RAB6A: variants seen among roughly 807,000 people sequenced by gnomAD.
RAB6A encodes the protein RAB6A, member RAS oncogene family.
A neutral mutation model predicts 32.3 loss-of-function variants in RAB6A; 8 were observed. The ratio of observed to expected loss-of-function variants is 0.25; its 90% CI spans 0.15 to 0.45. The LOEUF (loss-of-function observed/expected upper bound fraction) is 0.45. RAB6A is among the 20% of genes least tolerant of loss of function. The pLI is 1.00. For missense variants in RAB6A, 104 were observed against 249.4 expected (o/e 0.42, Z 3.93); for synonymous variants, 73 against 82.1 (o/e 0.89, Z 0.60).
Position 73,758,333 on chromosome 11 carries a change from G to GTTAATAATAC in RAB6A, c.70+2232_70+2233insGTATTATTAA, listed in dbSNP as rs1163503646. ...AAATCTAAATAAACTATGGACTTAA[G>GTTAATAATAC]TTAATAATAACATATCAATATTAGT... is the stretch of plus-strand genomic sequence containing the variant. On this transcript the variant is annotated intron_variant, in intron 1 of 7. Transcript: ENST00000336083. 8.5e-5 allele frequency among the ~76,000 whole-genome samples: 13 copies of GTTAATAATAC among 152,126 alleles called. 1 individual carries two copies. The highest frequency in any genetic ancestry group is 6.5e-4 in the Admixed American group (10 of 15,272).
chr11:73,700,917 T>C (rs572075797), intron 6 of RAB6A, among the ~76,000 whole-genome samples: 5 of 152,164 alleles, frequency 3.3e-5, no homozygotes, highest in African/African-American at 4.8e-5. Context: ...AGTAGTATTA[T>C]TGGGTAAAAT....
At chr11:73,720,971 A>G in intron 2 of RAB6A, 72 bp from the exon 3 acceptor site, 1 of 1,052,042 alleles carries the variant, frequency 9.5e-7, no homozygotes, top group Admixed American at 1.9e-5. Flanking sequence ...TTCAAATGGG[A>G]TTCATGATTG....
At chr11:73,754,073 G>A (rs768827913) in intron 1 of RAB6A, among the ~76,000 whole-genome samples, 5 of 152,132 alleles carry the variant, frequency 3.3e-5, no homozygotes, top group Non-Finnish European at 4.4e-5. Context: ...TTATCTTTAT[G>A]TTATAGATAA....
At chr11:73,707,384 A>C in intron 6 of RAB6A, 36 bp downstream of exon 6, 2 of 1,450,480 alleles carry the variant, frequency 1.4e-6, no homozygotes, top group South Asian at 2.3e-5. Context: ...CAATTATTTC[A>C]TATTTTTTCA....
chr11:73,742,631 G>C (rs1823599002), intron 1 of RAB6A, among the ~76,000 whole-genome samples: 1 of 152,064 alleles, frequency 6.6e-6, no homozygotes, highest in Non-Finnish European at 1.5e-5. Context: ...GACCAACACG[G>C]AGAAACCCCG....
chr11:73,703,162 C>A lies in RAB6A; in HGVS notation c.495+4258G>T, dbSNP rs115283224. 7.3e-3 allele frequency among the ~76,000 whole-genome samples: 1,113 copies of A among 152,142 alleles called. 12 individuals are homozygous for A. Among genetic ancestry groups the A allele is most frequent in the African/African-American group, 0.026 (1,070 of 41,508 alleles). ...GGAAAAAAAAAATTCAACATGGGTT[C>A]AGGTGAATGCAAAGAAACGGAAGAT... On this transcript the variant is annotated intron_variant, in intron 6 of 7. Coordinates refer to ENST00000336083, the MANE Select transcript of RAB6A (RefSeq NM_198896.2).
intron 6 of RAB6A, among the ~76,000 whole-genome samples, chr11:73,687,207 C>T (rs975869608): frequency 3.9e-5 from 6 of 152,102 alleles, no homozygotes; most frequent in African/African-American, 9.6e-5. Context: ...GAATGGCTGG[C>T]TGTCAATGGC....
At chr11:73,714,209 A>AAAAATATATATATATATAT (rs35864471) in intron 5 of RAB6A, among the ~76,000 whole-genome samples, 3 of 57,568 alleles carry the variant, frequency 5.2e-5, no homozygotes, top group African/African-American at 1.9e-4. Context: ...AAAAAAAAAA[A>AAAAATATATATATATATAT]ATATATATAT....
intron 2 of RAB6A, among the ~76,000 whole-genome samples, chr11:73,725,384 A>G (rs1946200554): frequency 6.6e-6 from 1 of 152,226 alleles, no homozygotes; most frequent in African/African-American, 2.4e-5. Context: ...TTTGTCAAGC[A>G]TATGTGATTG....
intron 6 of RAB6A, among the ~76,000 whole-genome samples, chr11:73,707,125 G>GAAAAAAA (rs397744539): frequency 6.0e-5 from 7 of 116,242 alleles, no homozygotes; most frequent in South Asian, 2.8e-4. Context: ...TCTCAAAAAA[G>GAAAAAAA]AAAAAAAAAA....
chr11:73,720,424 C>T (rs1173698538), intron 3 of RAB6A, among the ~76,000 whole-genome samples: 1 of 151,812 alleles, frequency 6.6e-6, no homozygotes, highest in African/African-American at 2.4e-5. Context: ...TCAGATGATC[C>T]ACCTGCCTCA....
intron 1 of RAB6A, among the ~76,000 whole-genome samples, chr11:73,759,381 T>C (rs1026997839): frequency 6.6e-6 from 1 of 152,094 alleles, no homozygotes; most frequent in Non-Finnish European, 1.5e-5. Flanking sequence ...ATCACAAAAT[T>C]AGGATCTAGT....
chr11:73,679,574 C>T, intron 7 of RAB6A, 80 bp downstream of exon 7: 1 of 1,547,212 alleles, frequency 6.5e-7, no homozygotes, highest in Admixed American at 1.7e-5. Context: ...GGCAATGGCA[C>T]AATATTCTTT....
intron 1 of RAB6A, among the ~76,000 whole-genome samples, chr11:73,755,970 G>C (rs913514282): frequency 6.6e-5 from 10 of 152,084 alleles, no homozygotes; most frequent in African/African-American, 2.4e-4. Context: ...TACATTAACA[G>C]AGCTCTTCAG....
rs958749896 is a variant in RAB6A at position 73,759,996 on chromosome 11, T to C, written c.70+570A>G. On this transcript the variant is annotated intron_variant, in intron 1 of 7. Coordinates refer to ENST00000336083, the MANE Select transcript of RAB6A (RefSeq NM_198896.2). ...TGTTTCCTCTATGGCCCAGACTAATTTCCCACCCAGGTGAAAATCATTTAA... is the reference window on the plus strand; with the variant it reads ...TGTTTCCTCTATGGCCCAGACTAATCTCCCACCCAGGTGAAAATCATTTAA... 1.3e-5 allele frequency: 17 copies of C among 1,281,954 alleles called. No individual in the cohort carries two copies. The African/African-American group carries it at 2.4e-4, about 18-fold the overall frequency. The allele number at this position is 1,281,954 out of a possible 1,614,324, so 79.4% of individuals were successfully genotyped here. A position where few individuals can be genotyped will look rare whatever the true frequency, so the allele number is the denominator to read the frequency against.
At chr11:73,720,963 C>A in intron 2 of RAB6A, 64 bp from the exon 3 acceptor site, 1 of 1,102,556 alleles carries the variant, frequency 9.1e-7, no homozygotes, top group South Asian at 1.3e-5. Flanking sequence ...GTTTAGGATT[C>A]AAATGGGATT....
rs1945272958 is a variant in RAB6A at position 73,676,611 on chromosome 11, C to T, written c.*1287G>A. 1 of 166,984 alleles carries T rather than the reference C, an allele frequency of 6.0e-6. No individual in the cohort carries two copies. The highest frequency in any genetic ancestry group is 1.5e-5 in the Non-Finnish European group (1 of 68,108). 10.3% of individuals were successfully genotyped at this position (166,984 alleles called of 1,614,324 possible). On this transcript the variant is annotated 3_prime_UTR_variant, in exon 8 of 8. Transcript: ENST00000336083. ...TACAAACCAAAACCAGCCTGAAAGA[C>T]CCAACCTTAAAAAATGCTAAAAAAT...
chr11:73,696,729 T>C (rs923807023), intron 6 of RAB6A, among the ~76,000 whole-genome samples: 3 of 151,482 alleles, frequency 2.0e-5, no homozygotes, highest in Non-Finnish European at 4.4e-5. Flanking sequence ...CCTCAGCCTC[T>C]GGAGTAGCTG....
At chr11:73,728,027 TCC>T (rs745912695) in intron 2 of RAB6A, among the ~76,000 whole-genome samples, 4 of 152,150 alleles carry the variant, frequency 2.6e-5, no homozygotes, top group Admixed American at 6.6e-5. Context: ...AAATCTATGC[TCC>T]CCAATTGTTT....
Sources: allele counts gnomAD v4.1 joint callset (sites outside exome capture counted in the v4.1 genomes callset), GRCh38; gene constraint gnomAD v4.1.1; transcripts MANE v1.5; gene names NCBI Gene and HGNC (gene_info 2026-07-23, HGNC 2026-07-21).